PRKCH: variants seen among roughly 807,000 people sequenced by gnomAD.
PRKCH encodes protein kinase C eta type.
A neutral mutation model predicts 82.5 loss-of-function variants in PRKCH; 28 were observed. The ratio of observed to expected loss-of-function variants is 0.34; its 90% confidence interval spans 0.25 to 0.47. PRKCH has a LOEUF of 0.47. Among genes scored for constraint, PRKCH ranks in the 20% least tolerant of loss-of-function variants. The pLI, the probability that PRKCH is intolerant of heterozygous loss-of-function variation, is 1.00. For synonymous variants in PRKCH, 322 were observed against 327.4 expected (o/e 0.98, Z 0.18); for missense variants, 705 against 881.8 (o/e 0.80, Z 2.54).
At chr14:61,530,624 G>T (rs1408019827) in intron 12 of PRKCH, 29 bp downstream of exon 12, 2 of 1,559,590 alleles carry the variant, frequency 1.3e-6, no homozygotes, top group South Asian at 1.2e-5. Flanking sequence ...GCTAGCTTCT[G>T]ATGTATTGCA....
chr14:61,546,190 G>A (rs1372065212), intron 12 of PRKCH, among the ~76,000 whole-genome samples: 1 of 152,192 alleles, frequency 6.6e-6, no homozygotes. Context: ...CTTAGTGAGA[G>A]CCCAAGCAGT....
chr14:61,339,449 G>A (rs1396651156), intron 1 of PRKCH, among the ~76,000 whole-genome samples: 1 of 146,424 alleles, frequency 6.8e-6, no homozygotes, highest in African/African-American at 2.5e-5. Flanking sequence ...TCAGCCTCCC[G>A]AGTAGCTGGG....
At chr14:61,330,513 A>G (rs1365121905) in intron 1 of PRKCH, among the ~76,000 whole-genome samples, 1 of 152,228 alleles carries the variant, frequency 6.6e-6, no homozygotes, top group Non-Finnish European at 1.5e-5. Flanking sequence ...ACCATCAAAT[A>G]CCTTAAGTTT....
At chr14:61,194,237 T>C (rs1473055705) in intron 1 of PRKCH, among the ~76,000 whole-genome samples, 1 of 152,252 alleles carries the variant, frequency 6.6e-6, no homozygotes, top group Non-Finnish European at 1.5e-5. Flanking sequence ...TTAATACTTC[T>C]AGGACAATGA....
chr14:61,197,187 C>T (rs2044447544), intron 1 of PRKCH, among the ~76,000 whole-genome samples: 1 of 152,178 alleles, frequency 6.6e-6, no homozygotes, highest in Admixed American at 6.5e-5. Flanking sequence ...CACTGATTTT[C>T]ATCTCCTTTG....
intron 1 of PRKCH, among the ~76,000 whole-genome samples, chr14:61,221,979 T>C (rs1449455462): frequency 6.6e-6 from 1 of 152,118 alleles, no homozygotes; most frequent in African/African-American, 2.4e-5. Flanking sequence ...CCTCATCACC[T>C]AAGGGTTCTC....
chr14:61,449,637 A>C (rs1250417286), intron 5 of PRKCH, among the ~76,000 whole-genome samples: 1 of 152,156 alleles, frequency 6.6e-6, no homozygotes, highest in Non-Finnish European at 1.5e-5. Context: ...TGAATGCTGA[A>C]TCCAGCCTCT....
At position 61,423,562 on chromosome 14, in the gene PRKCH, G is replaced by A. The variant is rs186331464; in HGVS notation, c.428-19549G>A. On this transcript the variant is annotated intron_variant, in intron 2 of 13. Transcript: ENST00000332981. Reference sequence around the variant, plus strand: ...TTTTATGAGGTTTGGCTTTAGAAAAGTGAGAAGCCATTCCAAGTGGGAGGA... The same window carrying A: ...TTTTATGAGGTTTGGCTTTAGAAAAATGAGAAGCCATTCCAAGTGGGAGGA... 1.9e-3 allele frequency among the ~76,000 whole-genome samples: 292 copies of A among 152,320 alleles called. 1 individual carries two copies. Among genetic ancestry groups the A allele is most frequent in the African/African-American group, 6.6e-3 (273 of 41,574 alleles).
At chr14:61,384,404 AG>A (rs910392511) in intron 1 of PRKCH, among the ~76,000 whole-genome samples, 5 of 150,808 alleles carry the variant, frequency 3.3e-5, no homozygotes, top group African/African-American at 1.2e-4. Context: ...CCCTTGCCCC[AG>A]AAAATTTAAA....
intron 2 of PRKCH, among the ~76,000 whole-genome samples, chr14:61,413,738 C>A (rs902878484): frequency 6.6e-6 from 1 of 151,842 alleles, no homozygotes; most frequent in African/African-American, 2.4e-5. Flanking sequence ...TCCTTTTTTT[C>A]ATCCGGATAT....
At chr14:61,190,245 C>T (rs1341857711) in intron 1 of PRKCH, among the ~76,000 whole-genome samples, 1 of 152,198 alleles carries the variant, frequency 6.6e-6, no homozygotes, top group Non-Finnish European at 1.5e-5. Flanking sequence ...TCACCACCCA[C>T]CTCTGCCCCC....
intron 1 of PRKCH, among the ~76,000 whole-genome samples, chr14:61,379,522 C>G (rs936658750): frequency 6.6e-6 from 1 of 152,200 alleles, no homozygotes; most frequent in African/African-American, 2.4e-5. Context: ...TTTGCTGGAG[C>G]TTTTGCCTTC....
intron 9 of PRKCH, among the ~76,000 whole-genome samples, chr14:61,467,859 C>T (rs1443654211): frequency 1.3e-5 from 2 of 152,152 alleles, no homozygotes; most frequent in Admixed American, 1.3e-4. Context: ...AACAAAATAT[C>T]TCATTTAATA....
At chr14:61,326,376 A>T (rs902924808) in intron 1 of PRKCH, among the ~76,000 whole-genome samples, 2 of 152,352 alleles carry the variant, frequency 1.3e-5, no homozygotes, top group African/African-American at 4.8e-5. Context: ...TCTAGAAATG[A>T]AAAGGAGTCT....
At chr14:61,216,762 G>T (rs1340997726) in intron 1 of PRKCH, among the ~76,000 whole-genome samples, 3 of 152,206 alleles carry the variant, frequency 2.0e-5, no homozygotes, top group Admixed American at 2.0e-4. Flanking sequence ...GAGAGAAAGA[G>T]CTTTCAGTTA....
intron 1 of PRKCH, among the ~76,000 whole-genome samples, chr14:61,208,973 A>G (rs969674218): frequency 5.9e-5 from 9 of 152,198 alleles, no homozygotes; most frequent in African/African-American, 1.4e-4. Flanking sequence ...TTAATTCCCA[A>G]TGCAGCGGTG....
Position 61,374,692 on chromosome 14 carries a change from G to A in PRKCH, c.364-16533G>A, listed in dbSNP as rs1280466636. Among the ~76,000 whole-genome samples the A allele has an allele frequency of 2.6e-5, 4 of 152,010 alleles. No individual in the cohort carries two copies. The East Asian group carries it at 7.7e-4, about 29-fold the overall frequency. ...CCATGGTTGAAGCTGGAGTGGCTGGGACACAGGATGTCAGGTCTCAAGGCT... is the reference window on the plus strand; with the variant it reads ...CCATGGTTGAAGCTGGAGTGGCTGGAACACAGGATGTCAGGTCTCAAGGCT... On this transcript the variant is annotated intron_variant, in intron 1 of 13. Coordinates refer to ENST00000332981, the MANE Select transcript of PRKCH (RefSeq NM_006255.5).
intron 1 of PRKCH, among the ~76,000 whole-genome samples, chr14:61,224,413 GGATGT>G (rs2044679679): frequency 1.3e-5 from 2 of 152,192 alleles, no homozygotes; most frequent in Admixed American, 6.5e-5. Context: ...GTTTTTCCAT[GGATGT>G]CCTTTTTCTG....
intron 1 of PRKCH, among the ~76,000 whole-genome samples, chr14:61,189,600 C>T (rs1036454632): frequency 6.6e-6 from 1 of 151,910 alleles, no homozygotes; most frequent in African/African-American, 2.4e-5. Context: ...GTCCCTCCCT[C>T]CTTCCCTTCC....
Sources: gnomAD v4.1 joint callset for allele counts (sites outside exome capture counted in the v4.1 genomes callset) on GRCh38, gnomAD v4.1.1 for gene constraint, MANE v1.5 for transcripts, NCBI Gene and HGNC (gene_info 2026-07-23, HGNC 2026-07-21) for gene names.